The following ARMH1 variants were observed in gnomAD, a reference collection of about 807,000 sequenced individuals.
ARMH1 encodes the protein armadillo-like helical domain containing protein 1.
A neutral mutation model predicts 50.2 loss-of-function variants in ARMH1; 34 were observed. The ratio of observed to expected loss-of-function variants is 0.68; its 90% confidence interval spans 0.51 to 0.90. The LOEUF (loss-of-function observed/expected upper bound fraction) is 0.90, where lower values mean the gene tolerates loss of function less well. Among genes scored for constraint, ARMH1 ranks in the 40% least tolerant of loss-of-function variants. The pLI, the probability that ARMH1 is intolerant of heterozygous loss-of-function variation, is 0.00. For synonymous variants in ARMH1, 221 were observed against 224.2 expected, an observed-to-expected ratio of 0.99 and a Z score of 0.13; for missense variants, 538 against 553.9, an observed-to-expected ratio of 0.97 and a Z score of 0.29.
At chr1:44,700,801 T>G in intron 4 of ARMH1, 122 bp from the exon 5 acceptor site, 1 of 785,104 alleles carries the variant, frequency 1.3e-6, no homozygotes, top group Non-Finnish European at 2.0e-6. Context: ...CAGGCCTCAA[T>G]TTTGCTTTGG....
chr1:44,718,787 G>A (rs1411073808), intron 6 of ARMH1, among the ~76,000 whole-genome samples: 1 of 152,190 alleles, frequency 6.6e-6, no homozygotes, highest in Non-Finnish European at 1.5e-5. Context: ...CACTTTGGGA[G>A]GCCGAGGCAG....
chr1:44,724,412 T>C lies in ARMH1; in HGVS notation c.920+20T>C. 1 of 1,546,840 alleles carries C rather than the reference T, an allele frequency of 6.5e-7. No homozygotes were observed. The highest frequency in any genetic ancestry group is 1.2e-5 in the South Asian group (1 of 83,858). On this transcript the variant is annotated intron_variant, in intron 8 of 11. Transcript: ENST00000535358. This position sits in a 1 kb window ranked among gnomAD's most constrained non-coding sequence, Gnocchi z 6.4. ...CATCGGGTAAGCGGGCAGGGGTTAG[T>C]GGGTAGCTGCAGCAAGCCTGGCTTG...
Position 44,693,827 on chromosome 1 carries a change from T to G in ARMH1, c.207-3275T>G, listed in dbSNP as rs537088939. On this transcript the variant is annotated intron_variant, in intron 2 of 11. Coordinates refer to ENST00000535358, the MANE Select transcript of ARMH1 (RefSeq NM_001145636.2). ...GAAATATTATGTGATTACTGAGTTT[T>G]TTGGTGCCCCTTTTAATTTCAGACC... Among the ~76,000 whole-genome samples, 3 of 152,300 alleles carry G rather than the reference T, an allele frequency of 2.0e-5. No homozygotes were observed. The South Asian group carries it at 6.2e-4, about 32-fold the overall frequency.
rs1167263965 is a variant in ARMH1, at chr1:44,725,439, G to T, written c.*36G>T. On this transcript the variant is annotated 3_prime_UTR_variant, in exon 12 of 12. Transcript: ENST00000535358. ...GGCAAACCAGGAAGGCCAAGGCTGCGGGGCAGGGAAGCCTGGCAAGAGGAA... is the reference window on the plus strand; with the variant it reads ...GGCAAACCAGGAAGGCCAAGGCTGCTGGGCAGGGAAGCCTGGCAAGAGGAA... The T allele has an allele frequency of 2.6e-6, 4 of 1,547,330 alleles. No homozygotes were observed. Among genetic ancestry groups the T allele is most frequent in the Admixed American group, 3.9e-5 (2 of 50,988 alleles).
chr1:44,689,729 G>C lies in ARMH1; in HGVS notation c.32G>C (p.Ser11Thr). Reference protein sequence around the residue: MTSIKEQAAISRLLSFLQEWD... With the variant: MTSIKEQAAITRLLSFLQEWD... Reference sequence around the variant, plus strand: ...TCTATAAAGGAGCAGGCAGCAATTAGCAGGCTCTTAAGTTTTTTACAGGAG... The same window carrying C: ...TCTATAAAGGAGCAGGCAGCAATTACCAGGCTCTTAAGTTTTTTACAGGAG... Residue 11 changes from serine to threonine, a missense_variant, in exon 2 of 12, where the codon AGC (serine) becomes ACC (threonine). Coordinates refer to ENST00000535358, the MANE Select transcript of ARMH1 (RefSeq NM_001145636.2). 3.2e-6 allele frequency: 5 copies of C among 1,552,008 alleles called. No individual in the cohort carries two copies. Among genetic ancestry groups the C allele is most frequent in the Non-Finnish European group, 3.5e-6 (4 of 1,147,058 alleles).
chr1:44,710,789 C>G (rs890906156), intron 6 of ARMH1, among the ~76,000 whole-genome samples: 1 of 152,156 alleles, frequency 6.6e-6, no homozygotes, highest in African/African-American at 2.4e-5. Flanking sequence ...CCATCTCTAT[C>G]TAGTTCCAAA....
intron 6 of ARMH1, among the ~76,000 whole-genome samples, chr1:44,717,325 A>G (rs143440328): frequency 2.2e-4 from 34 of 152,322 alleles, no homozygotes; most frequent in African/African-American, 6.7e-4. Flanking sequence ...GCTCTGATGC[A>G]TGACCCAGCA....
intron 6 of ARMH1, among the ~76,000 whole-genome samples, chr1:44,712,360 A>C (rs1646649304): frequency 6.6e-6 from 1 of 152,088 alleles, no homozygotes; most frequent in Non-Finnish European, 1.5e-5. Context: ...TGGGAGGTTG[A>C]GGTAGGAGAA....
At chr1:44,722,039 C>T (rs1203410679) in intron 6 of ARMH1, 4 of 152,068 alleles carry the variant, frequency 2.6e-5, no homozygotes, top group African/African-American at 9.7e-5. Flanking sequence ...GGTAAAATCT[C>T]CTGACAAAGA....
intron 1 of ARMH1, among the ~76,000 whole-genome samples, chr1:44,679,509 T>G (rs973938195): frequency 6.6e-6 from 1 of 152,250 alleles, no homozygotes; most frequent in Non-Finnish European, 1.5e-5. Context: ...CTCCCCTTCT[T>G]GAATGCCATT....
chr1:44,711,811 A>G (rs922386932), intron 6 of ARMH1, among the ~76,000 whole-genome samples: 8 of 152,234 alleles, frequency 5.3e-5, no homozygotes, highest in African/African-American at 1.7e-4. Flanking sequence ...GTGACCAACA[A>G]TGACTGTGTG....
At chr1:44,698,304 A>G in intron 4 of ARMH1, 75 bp downstream of exon 4, 1 of 1,308,662 alleles carries the variant, frequency 7.6e-7, no homozygotes, top group Non-Finnish European at 1.0e-6. Flanking sequence ...CCACTGCTAT[A>G]GGAAAAACAC....
chr1:44,676,404 A>T (rs72671982), intron 1 of ARMH1, among the ~76,000 whole-genome samples: 6,272 of 152,228 alleles, frequency 0.041, 284 homozygotes, highest in African/African-American at 0.089. Flanking sequence ...CCACACCAAT[A>T]GATTTGTTGA....
At chr1:44,679,254 G>T (rs1645232258) in intron 1 of ARMH1, among the ~76,000 whole-genome samples, 1 of 152,188 alleles carries the variant, frequency 6.6e-6, no homozygotes, top group African/African-American at 2.4e-5. Flanking sequence ...CAATAAGCAT[G>T]ATGGCATACA....
chr1:44,680,864 A>G (rs987922210), intron 1 of ARMH1, among the ~76,000 whole-genome samples: 1 of 152,104 alleles, frequency 6.6e-6, no homozygotes, highest in Non-Finnish European at 1.5e-5. Context: ...GTCAGTCACC[A>G]GGCCCTGTTT....
At chr1:44,719,984 C>T (rs981368945) in intron 6 of ARMH1, among the ~76,000 whole-genome samples, 4 of 152,090 alleles carry the variant, frequency 2.6e-5, no homozygotes, top group African/African-American at 9.7e-5. Flanking sequence ...CACCTGAGGA[C>T]AGGAGTTAGA....
At chr1:44,694,978 A>G (rs1645779011) in intron 2 of ARMH1, among the ~76,000 whole-genome samples, 1 of 152,188 alleles carries the variant, frequency 6.6e-6, no homozygotes, top group South Asian at 2.1e-4. Context: ...CATGGTAGAG[A>G]TAAAGTTAGA....
chr1:44,703,758 GCT>G (rs1284904109), intron 5 of ARMH1, among the ~76,000 whole-genome samples: 1 of 137,468 alleles, frequency 7.3e-6, no homozygotes, highest in Non-Finnish European at 1.5e-5. Context: ...TTTTGAGACG[GCT>G]CTGTTTCCCA....
chr1:44,678,874 C>T (rs1005042382), intron 1 of ARMH1, among the ~76,000 whole-genome samples: 4 of 152,194 alleles, frequency 2.6e-5, no homozygotes, highest in South Asian at 2.1e-4. Context: ...ACCTCCCCTT[C>T]GCTTGTTGCC....
Sources: gnomAD v4.1 joint callset for allele counts (sites outside exome capture counted in the v4.1 genomes callset) on GRCh38, gnomAD v4.1.1 for gene constraint, Gnocchi (gnomAD v3.1) non-coding constraint, MANE v1.5 for transcripts, NCBI Gene and HGNC (gene_info 2026-07-23, HGNC 2026-07-21) for gene names.